The following LRP12 variants were observed in gnomAD, a reference collection of about 807,000 sequenced individuals.
LRP12 encodes the protein low-density lipoprotein receptor-related protein 12.
A neutral mutation model predicts 66.0 loss-of-function variants in LRP12; 14 were observed. That is an observed-to-expected ratio of 0.21 (90% CI 0.14 to 0.33). The LOEUF (loss-of-function observed/expected upper bound fraction) is 0.33. LRP12 is among the 10% of genes least tolerant of loss of function. The pLI is 1.00. For synonymous variants in LRP12, 357 were observed against 359.1 expected (o/e 0.99, Z 0.07); for missense variants, 889 against 1,053.4 (o/e 0.84, Z 2.16).
chr8:104,529,962 GA>G (rs1190952859), intron 2 of LRP12, among the ~76,000 whole-genome samples: 1 of 152,130 alleles, frequency 6.6e-6, no homozygotes, highest in African/African-American at 2.4e-5. Flanking sequence ...AACAAAACAT[GA>G]TGTTGCAAAA....
At chr8:104,568,423 T>A (rs1332152869) in intron 1 of LRP12, among the ~76,000 whole-genome samples, 1 of 152,102 alleles carries the variant, frequency 6.6e-6, no homozygotes. Context: ...CTAGGTAAAC[T>A]GGACTGTCTC....
At chr8:104,575,634 A>T (rs1366542962) in intron 1 of LRP12, among the ~76,000 whole-genome samples, 6 of 152,152 alleles carry the variant, frequency 3.9e-5, no homozygotes, top group East Asian at 1.9e-4. Flanking sequence ...AAGATCAGAA[A>T]CCTCAAAGAT....
chr8:104,523,719 T>C, intron 2 of LRP12, among the ~76,000 whole-genome samples: 1 of 152,146 alleles, frequency 6.6e-6, no homozygotes, highest in South Asian at 2.1e-4. Context: ...ATGTTGCAAG[T>C]GCTCCCAAGA....
intron 1 of LRP12, among the ~76,000 whole-genome samples, chr8:104,534,402 T>C (rs1441459998): frequency 1.3e-5 from 2 of 152,056 alleles, no homozygotes; most frequent in African/African-American, 4.8e-5. Context: ...TTGTATACTT[T>C]AGCATTGGCC....
intron 1 of LRP12, among the ~76,000 whole-genome samples, chr8:104,580,205 A>C (rs1199368312): frequency 6.6e-6 from 1 of 152,076 alleles, no homozygotes; most frequent in African/African-American, 2.4e-5. Flanking sequence ...TAATTTGCAA[A>C]ATATCCAGCA....
chr8:104,517,295 G>A (rs891096559), intron 2 of LRP12, among the ~76,000 whole-genome samples: 1 of 151,118 alleles, frequency 6.6e-6, no homozygotes, highest in Admixed American at 6.6e-5. Context: ...AACAAAGGCC[G>A]ACCAAAAACC....
chr8:104,504,733 G>T (rs1470740043), intron 3 of LRP12: 2 of 152,116 alleles, frequency 1.3e-5, no homozygotes, highest in African/African-American at 4.8e-5. Context: ...TCTTTGAAAA[G>T]AATGTGTATT....
rs755342699 is a variant in LRP12, at chr8:104,550,854, T to G, written c.80-18891A>C. ...TAGCTTGCAAACTGGTTTTCCTACTTTTGGTCTCACAACTCTTTGATCCTT... is the reference window on the plus strand; with the variant it reads ...TAGCTTGCAAACTGGTTTTCCTACTGTTGGTCTCACAACTCTTTGATCCTT... On this transcript the variant is annotated intron_variant, in intron 1 of 6. Transcript: ENST00000276654. Among the ~76,000 whole-genome samples, 99 of 152,302 alleles carry G rather than the reference T, an allele frequency of 6.5e-4. 2 individuals are homozygous for G. Among genetic ancestry groups the G allele is most frequent in the Admixed American group, 5.6e-3 (86 of 15,294 alleles).
intron 2 of LRP12, among the ~76,000 whole-genome samples, chr8:104,530,202 T>TA (rs1042150333): frequency 7.9e-5 from 12 of 152,312 alleles, no homozygotes; most frequent in African/African-American, 2.9e-4. Context: ...ACATAGTAAA[T>TA]ATTGGTAGCT....
intron 2 of LRP12, among the ~76,000 whole-genome samples, chr8:104,524,776 T>C (rs1242640390): frequency 2.0e-5 from 3 of 152,160 alleles, no homozygotes; most frequent in Non-Finnish European, 4.4e-5. Context: ...TTAATGAAAC[T>C]TGTGTAATAG....
At chr8:104,530,176 TCA>T (rs1293711722) in intron 2 of LRP12, among the ~76,000 whole-genome samples, 9 of 152,232 alleles carry the variant, frequency 5.9e-5, no homozygotes, top group Non-Finnish European at 8.8e-5. Flanking sequence ...AAACAAATTC[TCA>T]GTTTTAATTT....
chr8:104,532,791 C>A (rs796425292), intron 1 of LRP12, among the ~76,000 whole-genome samples: 5 of 152,100 alleles, frequency 3.3e-5, no homozygotes, highest in African/African-American at 1.2e-4. Flanking sequence ...TTGTATTGCA[C>A]CCCCCACCCC....
chr8:104,579,767 A>G (rs948019028), intron 1 of LRP12, among the ~76,000 whole-genome samples: 4 of 152,346 alleles, frequency 2.6e-5, no homozygotes, highest in South Asian at 4.1e-4. Context: ...GAACCCAGAA[A>G]TAAGGCAGCA....
intron 1 of LRP12, among the ~76,000 whole-genome samples, chr8:104,547,221 T>C (rs1454843533): frequency 7.3e-6 from 1 of 137,700 alleles, no homozygotes; most frequent in Non-Finnish European, 1.5e-5. Flanking sequence ...TATACAATTC[T>C]GTTATATTTT....
At chr8:104,552,884 C>T (rs574061365) in intron 1 of LRP12, among the ~76,000 whole-genome samples, 42 of 152,312 alleles carry the variant, frequency 2.8e-4, no homozygotes, top group African/African-American at 9.9e-4. Flanking sequence ...CTGCTTGCTG[C>T]TGCAGGCTCT....
rs559028188 is a variant in LRP12 at position 104,524,401 on chromosome 8, T to C, written c.136+7506A>G. Among the ~76,000 whole-genome samples the C allele has an allele frequency of 4.8e-4, 73 of 152,284 alleles. No individual in the cohort carries two copies. The South Asian group carries it at 0.014, about 30-fold the overall frequency. On this transcript the variant is annotated intron_variant, in intron 2 of 6. Transcript: ENST00000276654. ...CAATTATATATGGCTTTTCTTCCAC[T>C]ATGCAGGGAATTGGTGCCCCTAACC...
At chr8:104,549,400 CTTTTTTTT>C (rs66644217) in intron 1 of LRP12, among the ~76,000 whole-genome samples, 1 of 116,704 alleles carries the variant, frequency 8.6e-6, no homozygotes, top group Non-Finnish European at 1.7e-5. Flanking sequence ...TCTGAATCCA[CTTTTTTTT>C]TTTTTTTTTT....
At position 104,589,015 on chromosome 8, in the gene LRP12, C is replaced by G. The variant is rs1302958928; in HGVS notation, c.-118G>C. 1 of 611,928 alleles carries G rather than the reference C, an allele frequency of 1.6e-6. No individual in the cohort carries two copies. Among genetic ancestry groups the G allele is most frequent in the African/African-American group, 1.9e-5 (1 of 51,358 alleles). The allele number at this position is 611,928 out of a possible 1,614,324, so 37.9% of individuals were successfully genotyped here. A position where few individuals can be genotyped will look rare whatever the true frequency, so the allele number is the denominator to read the frequency against. ...GCCGCCGCCGAGCCACCGGCTGCTC[C>G]CTGCGCTCTCCGCGGCTGCGGGAGG... On this transcript the variant is annotated 5_prime_UTR_variant, in exon 1 of 7. Transcript: ENST00000276654.
chr8:104,550,365 C>A (rs186904176), intron 1 of LRP12, among the ~76,000 whole-genome samples: 1 of 152,130 alleles, frequency 6.6e-6, no homozygotes, highest in South Asian at 2.1e-4. Context: ...GGAATTTCCA[C>A]GTTTCAGTAC....
Sources: gnomAD v4.1 joint callset for allele counts (sites outside exome capture counted in the v4.1 genomes callset) on GRCh38, gnomAD v4.1.1 for gene constraint, MANE v1.5 for transcripts, NCBI Gene and HGNC (gene_info 2026-07-23, HGNC 2026-07-21) for gene names.